SMG6: variants seen among roughly 807,000 people sequenced by gnomAD.
The protein encoded by SMG6 is SMG6 nonsense mediated mRNA decay factor.
Under a neutral mutation model 142.2 loss-of-function variants are expected in SMG6, and 66 were observed. The observed-to-expected ratio is 0.46, with a 90% CI of 0.38 to 0.57. The LOEUF (loss-of-function observed/expected upper bound fraction) is 0.57, where lower values mean the gene tolerates loss of function less well. Ranked by LOEUF, SMG6 falls within the 20% of genes least tolerant of loss-of-function variation. The pLI is 0.00. For missense variants in SMG6, 1,793 were observed against 1,832.0 expected, an observed-to-expected ratio of 0.98 and a Z score of 0.39; for synonymous variants, 779 against 702.4, an observed-to-expected ratio of 1.11 and a Z score of -1.72.
chr17:2,246,356 G>A (rs577206958), intron 8 of SMG6, among the ~76,000 whole-genome samples: 46 of 152,298 alleles, frequency 3.0e-4, no homozygotes, highest in Middle Eastern at 3.4e-3. Context: ...GTCCAGTATC[G>A]CTGGGCAGTC....
Position 2,069,713 on chromosome 17 carries a change from C to T in SMG6, c.3682-782G>A, listed in dbSNP as rs534290054. On this transcript the variant is annotated intron_variant, in intron 15 of 18. Transcript: ENST00000263073. ...TTCTCCTGCAGCAGCAGCCGAAGTC[C>T]GTGCAATGTGATGAATTAAGACTCA... 2.0e-5 allele frequency among the ~76,000 whole-genome samples: 3 copies of T among 152,334 alleles called. No homozygotes were observed. The South Asian group carries it at 6.2e-4, about 32-fold the overall frequency.
intron 12 of SMG6, among the ~76,000 whole-genome samples, chr17:2,185,684 G>T (rs941324343): frequency 6.6e-6 from 1 of 151,988 alleles, no homozygotes; most frequent in African/African-American, 2.4e-5. Context: ...CTCATGGTGA[G>T]AAGACAGGGG....
chr17:2,110,156 T>C (rs1048217896), intron 13 of SMG6, among the ~76,000 whole-genome samples: 9 of 149,854 alleles, frequency 6.0e-5, no homozygotes, highest in African/African-American at 2.2e-4. Context: ...TAAGCTAAAG[T>C]CACTCTTGCT....
chr17:2,126,805 A>C (rs2069895976), intron 13 of SMG6, among the ~76,000 whole-genome samples: 1 of 151,914 alleles, frequency 6.6e-6, no homozygotes, highest in Non-Finnish European at 1.5e-5. Flanking sequence ...TAATCTCAGC[A>C]CTTTGGGAGG....
chr17:2,299,406 T>C lies in SMG6; in HGVS notation c.1347A>G (p.Gly449=), dbSNP rs1435195713. The C allele has an allele frequency of 6.2e-7, 1 of 1,613,590 alleles. No individual in the cohort carries two copies. Among genetic ancestry groups the C allele is most frequent in the African/African-American group, 1.3e-5 (1 of 74,844 alleles). The change falls in exon 2 of 19, where the codon GGA becomes GGG. Residue 449 remains glycine (G), a synonymous_variant. Coordinates refer to ENST00000263073, the MANE Select transcript of SMG6 (RefSeq NM_017575.5). The surrounding 1 kb of genome is among the most constrained non-coding windows in gnomAD (Gnocchi z 4.3). ...GSKGSRSWGR[G]GTTRRLWDPN... is the part of the protein sequence containing the mutation. Reference sequence around the variant, plus strand: ...GGTCCCACAATCGGCGTGTGGTGCCTCCACGGCCCCAACTCCGAGATCCCT... The same window carrying C: ...GGTCCCACAATCGGCGTGTGGTGCCCCCACGGCCCCAACTCCGAGATCCCT...
chr17:2,189,675 T>C (rs541319886), intron 10 of SMG6, among the ~76,000 whole-genome samples: 5 of 152,182 alleles, frequency 3.3e-5, no homozygotes, highest in South Asian at 2.1e-4. Context: ...TGGGGCCCCA[T>C]TGAAGTTGTT....
At position 2,150,227 on chromosome 17, in the gene SMG6, G is replaced by A. The variant is rs118078422; in HGVS notation, c.3357+22431C>T. Among the ~76,000 whole-genome samples, 1,022 of 152,310 alleles carry A rather than the reference G, an allele frequency of 6.7e-3. 5 individuals carry two copies. The highest frequency in any genetic ancestry group is 9.2e-3 in the Non-Finnish European group (629 of 68,028). ...CACACGTGCAAGGAATCTAGCCTGC[G>A]TGCTCCTTCTGAGAACCTAACTAAT... On this transcript the variant is annotated intron_variant, in intron 13 of 18. Transcript: ENST00000263073.
intron 8 of SMG6, among the ~76,000 whole-genome samples, chr17:2,262,046 A>G (rs7213232): frequency 0.42 from 64,332 of 152,056 alleles, 14,781 homozygotes; most frequent in African/African-American, 0.61. Context: ...TCTCAATAGC[A>G]AGAATAAGGT....
At chr17:2,145,751 A>G (rs1222722062) in intron 13 of SMG6, among the ~76,000 whole-genome samples, 1 of 151,946 alleles carries the variant, frequency 6.6e-6, no homozygotes, top group Non-Finnish European at 1.5e-5. Context: ...AAAAACAAAA[A>G]ACAAGAAGCC....
intron 8 of SMG6, among the ~76,000 whole-genome samples, chr17:2,249,154 A>C (rs2073992883): frequency 6.6e-6 from 1 of 151,936 alleles, no homozygotes; most frequent in Non-Finnish European, 1.5e-5. Context: ...TGGCCTCCCA[A>C]AGTGCTGGGA....
At chr17:2,148,488 G>A (rs1439553043) in intron 13 of SMG6, among the ~76,000 whole-genome samples, 1 of 152,216 alleles carries the variant, frequency 6.6e-6, no homozygotes, top group Admixed American at 6.5e-5. Flanking sequence ...AAATCATTAT[G>A]CTGAGTGAAA....
At chr17:2,184,763 G>A (rs1481419273) in intron 12 of SMG6, among the ~76,000 whole-genome samples, 1 of 149,938 alleles carries the variant, frequency 6.7e-6, no homozygotes, top group African/African-American at 2.5e-5. Flanking sequence ...TCAGGAGTTT[G>A]AGACCAGCCT....
chr17:2,153,138 C>T (rs540666538), intron 13 of SMG6, among the ~76,000 whole-genome samples: 34 of 152,330 alleles, frequency 2.2e-4, no homozygotes, highest in Admixed American at 1.3e-3. Flanking sequence ...AATTTATAAA[C>T]TTTCTTAAAA....
intron 14 of SMG6, among the ~76,000 whole-genome samples, chr17:2,082,740 C>T (rs1198598131): frequency 6.6e-6 from 1 of 152,326 alleles, no homozygotes; most frequent in South Asian, 2.1e-4. Flanking sequence ...TTACTTTTGG[C>T]CTTGGTCAAC....
rs181347927 is a variant in SMG6 at position 2,172,399 on chromosome 17, A to G, written c.3357+259T>C. Among the ~76,000 whole-genome samples, 17 of 152,214 alleles carry G rather than the reference A, an allele frequency of 1.1e-4. 1 individual carries two copies. The East Asian group carries it at 3.1e-3, about 28-fold the overall frequency. On this transcript the variant is annotated intron_variant, in intron 13 of 18. Transcript: ENST00000263073. Reference sequence around the variant, plus strand: ...TGAGAGCACTGCCAACACAAGCTGCACTATTTAAACAAGTGAGGAAATGAT... The same window carrying G: ...TGAGAGCACTGCCAACACAAGCTGCGCTATTTAAACAAGTGAGGAAATGAT...
rs1333037623 is a variant in SMG6, at chr17:2,244,690, G to C, written c.2691C>G (p.Leu897=). Residue 897 remains leucine (L), a synonymous_variant, in exon 9 of 19, where the codon CTC becomes CTG. Transcript: ENST00000263073. ...GGGTAAACAGCTTCCCATGGGCATG[G>C]AGAAAACTGAGGATGAACCTTTTGT... is the stretch of plus-strand genomic sequence containing the variant. The part of the protein sequence containing the change: ...DLNKRFILSF[L]HAHGKLFTRI... The C allele has an allele frequency of 1.2e-5, 20 of 1,613,924 alleles. No individual in the cohort carries two copies. The highest frequency in any genetic ancestry group is 1.4e-5 in the Non-Finnish European group (16 of 1,179,888).
chr17:2,115,239 T>C (rs1466207901), intron 13 of SMG6, among the ~76,000 whole-genome samples: 1 of 152,046 alleles, frequency 6.6e-6, no homozygotes. Flanking sequence ...AATCAAATGT[T>C]CCTCTTTTCC....
intron 13 of SMG6, among the ~76,000 whole-genome samples, chr17:2,156,585 A>G (rs2059663281): frequency 6.6e-6 from 1 of 152,084 alleles, no homozygotes; most frequent in South Asian, 2.1e-4. Context: ...TGCATCCCTT[A>G]TGAGCATTTA....
At chr17:2,303,313 G>C in intron 1 of SMG6, 1 of 1,131,252 alleles carries the variant, frequency 8.8e-7, no homozygotes, top group Non-Finnish European at 1.1e-6. Flanking sequence ...ACTCCTTTCC[G>C]CGTCTCCCGA....
Sources: gnomAD v4.1 joint callset for allele counts (sites outside exome capture counted in the v4.1 genomes callset) on GRCh38, gnomAD v4.1.1 for gene constraint, Gnocchi (gnomAD v3.1) non-coding constraint, MANE v1.5 for transcripts, NCBI Gene and HGNC (gene_info 2026-07-23, HGNC 2026-07-21) for gene names.